Variants in CDK14 observed in about 807,000 individuals in gnomAD.
CDK14 encodes the protein cyclin dependent kinase 14, also known as cyclin-dependent kinase 14.
In CDK14, 34 loss-of-function variants were observed where a neutral mutation model predicts 60.7. That is an observed-to-expected ratio of 0.56 (90% CI 0.43 to 0.75). The LOEUF is 0.75. Among genes scored for constraint, CDK14 ranks in the 30% least tolerant of loss-of-function variants. The probability of loss-of-function intolerance (pLI) is 0.00; values close to 1 mark genes in which losing one functional copy is unlikely to be tolerated. For synonymous variants in CDK14, 197 were observed against 203.7 expected (o/e 0.97, Z 0.28); for missense variants, 482 against 564.1 (o/e 0.85, Z 1.47).
At chr7:90,699,522 G>A (rs1801738479) in intron 2 of CDK14, among the ~76,000 whole-genome samples, 1 of 152,160 alleles carries the variant, frequency 6.6e-6, no homozygotes, top group Non-Finnish European at 1.5e-5. Context: ...TGATCCTTGA[G>A]TTTACATTAT....
chr7:90,772,467 AGG>A (rs1804823851), intron 4 of CDK14, among the ~76,000 whole-genome samples: 1 of 152,104 alleles, frequency 6.6e-6, no homozygotes, highest in Non-Finnish European at 1.5e-5. Context: ...ATGTTTGGGG[AGG>A]GACCTTGTGG....
intron 5 of CDK14, among the ~76,000 whole-genome samples, chr7:90,829,395 T>C (rs754780238): frequency 6.6e-6 from 1 of 152,078 alleles, no homozygotes; most frequent in Non-Finnish European, 1.5e-5. Flanking sequence ...GCCTGTAAAA[T>C]CGAAAACAAC....
intron 6 of CDK14, among the ~76,000 whole-genome samples, chr7:90,885,095 T>G (rs1020318869): frequency 6.6e-6 from 1 of 152,082 alleles, no homozygotes; most frequent in African/African-American, 2.4e-5. Context: ...TGGGAACTAA[T>G]TAAACTTAAG....
chr7:91,161,423 G>A (rs531542611), intron 14 of CDK14, among the ~76,000 whole-genome samples: 4 of 152,202 alleles, frequency 2.6e-5, no homozygotes, highest in Admixed American at 6.5e-5. Context: ...AATCTGAGTG[G>A]TGAGGTTACT....
At chr7:90,652,665 A>G (rs959315809) in intron 2 of CDK14, among the ~76,000 whole-genome samples, 15 of 152,340 alleles carry the variant, frequency 9.8e-5, no homozygotes, top group Admixed American at 3.9e-4. Flanking sequence ...GCAGATAATA[A>G]TGGTACTTCC....
intron 2 of CDK14, chr7:90,710,392 C>G: frequency 1.0e-6 from 1 of 985,238 alleles, no homozygotes; most frequent in Non-Finnish European, 1.2e-6. Flanking sequence ...CGAGAGACTA[C>G]TTTTTCCATT....
chr7:91,015,985 T>A (rs910257553), intron 10 of CDK14, among the ~76,000 whole-genome samples: 4 of 152,098 alleles, frequency 2.6e-5, no homozygotes, highest in African/African-American at 9.7e-5. Flanking sequence ...GGAAATAGGT[T>A]ATCAGTATTT....
intron 14 of CDK14, among the ~76,000 whole-genome samples, chr7:91,143,698 G>A (rs79569962): frequency 6.6e-6 from 1 of 151,648 alleles, no homozygotes; most frequent in Non-Finnish European, 1.5e-5. Context: ...GTGTTACAGA[G>A]TGAGACCCTG....
intron 9 of CDK14, among the ~76,000 whole-genome samples, chr7:90,983,465 G>A (rs1244920118): frequency 1.3e-5 from 2 of 152,116 alleles, no homozygotes; most frequent in African/African-American, 4.8e-5. Context: ...GGATCACAAG[G>A]TCAGGAGATC....
In CDK14 at chr7:91,111,100, T is replaced by G. The variant is rs891452563; in HGVS notation, c.1155-1442T>G. Among the ~76,000 whole-genome samples, 3 of 152,196 alleles carry G rather than the reference T, an allele frequency of 2.0e-5. No homozygotes were observed. In the East Asian group the frequency reaches 5.8e-4, roughly 29 times the overall value. The stretch of plus-strand genomic sequence containing the variant: ...ATCCATTTTTTTCGTGAACAGCCAT[T>G]GCAGCAGCCACACATTGAACCCATT... On this transcript the variant is annotated intron_variant, in intron 12 of 14. Transcript: ENST00000380050.
intron 2 of CDK14, among the ~76,000 whole-genome samples, chr7:90,609,900 C>T (rs1181411076): frequency 2.6e-5 from 4 of 152,194 alleles, no homozygotes; most frequent in East Asian, 1.9e-4. Context: ...ATGATGTATA[C>T]GCTGTCATAC....
intron 10 of CDK14, among the ~76,000 whole-genome samples, chr7:91,036,554 A>T (rs1286052260): frequency 6.6e-6 from 1 of 152,022 alleles, no homozygotes; most frequent in East Asian, 1.9e-4. Flanking sequence ...CCCCCTTGAG[A>T]TAGCAGGACC....
chr7:90,709,986 G>A (rs2116640635), intron 2 of CDK14: 1 of 1,008,568 alleles, frequency 9.9e-7, no homozygotes, highest in African/African-American at 1.7e-5. Flanking sequence ...AAAATTACAG[G>A]AGGGGTTTTA....
intron 10 of CDK14, among the ~76,000 whole-genome samples, chr7:90,989,672 A>G (rs190082660): frequency 3.3e-5 from 5 of 152,272 alleles, no homozygotes; most frequent in Admixed American, 6.5e-5. Flanking sequence ...TAAAATACTG[A>G]ACGCTAAGAG....
chr7:91,177,611 G>C (rs1360682716), intron 14 of CDK14, among the ~76,000 whole-genome samples: 2 of 152,006 alleles, frequency 1.3e-5, no homozygotes, highest in Admixed American at 6.6e-5. Context: ...CTTCAGCAAA[G>C]TCTCAGGATA....
intron 2 of CDK14, among the ~76,000 whole-genome samples, chr7:90,636,918 G>A (rs969759254): frequency 1.3e-5 from 2 of 150,570 alleles, no homozygotes; most frequent in Non-Finnish European, 3.0e-5. Context: ...TAGTTTATTT[G>A]CATAGAGGTG....
chr7:91,119,339 G>A (rs1191987224), intron 14 of CDK14, among the ~76,000 whole-genome samples: 1 of 152,052 alleles, frequency 6.6e-6, no homozygotes, highest in African/African-American at 2.4e-5. Flanking sequence ...AAATTACCTG[G>A]GCGTGGTGGT....
intron 4 of CDK14, among the ~76,000 whole-genome samples, chr7:90,774,729 G>A (rs1335833068): frequency 3.9e-5 from 6 of 152,046 alleles, no homozygotes; most frequent in African/African-American, 7.2e-5. Flanking sequence ...GAAAATACTC[G>A]CTTAAAATTG....
intron 14 of CDK14, among the ~76,000 whole-genome samples, chr7:91,139,153 G>C (rs1800369563): frequency 6.6e-6 from 1 of 152,124 alleles, no homozygotes; most frequent in Non-Finnish European, 1.5e-5. Flanking sequence ...AGGAAATGCA[G>C]ACGGGAGCAA....
Sources: allele counts gnomAD v4.1 joint callset (sites outside exome capture counted in the v4.1 genomes callset), GRCh38; gene constraint gnomAD v4.1.1; transcripts MANE v1.5; gene names NCBI Gene and HGNC (gene_info 2026-07-23, HGNC 2026-07-21).